ZCWPW1: variants seen among roughly 807,000 people sequenced by gnomAD.
The protein encoded by ZCWPW1 is zinc finger CW-type PWWP domain protein 1.
ZCWPW1 carries 56 observed loss-of-function variants against 81.3 expected under a neutral mutation model. The observed-to-expected ratio is 0.69, with a 90% confidence interval of 0.56 to 0.86. ZCWPW1 has a LOEUF of 0.86. ZCWPW1 is among the 40% of genes least tolerant of loss of function. The probability of loss-of-function intolerance (pLI) is 0.00; values close to 1 mark genes in which losing one functional copy is unlikely to be tolerated. For synonymous variants in ZCWPW1, 250 were observed against 273.7 expected (o/e 0.91, Z 0.86); for missense variants, 650 against 769.8 (o/e 0.84, Z 1.84).
intron 2 of ZCWPW1, among the ~76,000 whole-genome samples, chr7:100,421,786 G>A (rs1033554704): frequency 5.9e-5 from 9 of 151,740 alleles, no homozygotes; most frequent in East Asian, 1.9e-4. Flanking sequence ...TCCGCCTCCC[G>A]GGTTCAAGCG....
intron 2 of ZCWPW1, among the ~76,000 whole-genome samples, 164 bp downstream of exon 2, chr7:100,424,866 T>TAGG (rs1166968414): frequency 2.6e-5 from 4 of 152,216 alleles, no homozygotes; most frequent in African/African-American, 9.7e-5. Flanking sequence ...AAGATCTTCC[T>TAGG]AGGCCAAAGT....
chr7:100,409,562 T>C lies in ZCWPW1; in HGVS notation c.755-18A>G. ...ACATTGACCTGTGAGAGGAAAAAAA[T>C]GAAATAAGAGACTTAAAAATATGCT... is the stretch of plus-strand genomic sequence containing the variant. On this transcript the variant is annotated intron_variant, in intron 8 of 17. Transcript: ENST00000684423. 1 of 1,573,680 alleles carries C rather than the reference T, an allele frequency of 6.4e-7. No individual in the cohort carries two copies. Among genetic ancestry groups the C allele is most frequent in the Non-Finnish European group, 8.7e-7 (1 of 1,145,778 alleles).
rs539937123 is a variant in ZCWPW1, at chr7:100,416,016, G to C, written c.713C>G (p.Ser238Cys). ...TCCTTTTTGCTGGTCCCTGATCTGA[G>C]AATGATCCTGAACTGTTTTCTTTAG... ...DRLKKTVQDHSQIRDQQKGEI... is the reference protein window; with the variant it reads ...DRLKKTVQDHCQIRDQQKGEI... The change falls in exon 8 of 18, where the codon TCT (serine) becomes TGT (cysteine). Residue 238 changes from serine to cysteine, a missense_variant. Ser to Cys is a moderately radical substitution (Grantham distance 112). Coordinates refer to ENST00000684423, the MANE Select transcript of ZCWPW1 (RefSeq NM_001386010.1). The C allele has an allele frequency of 1.9e-6, 3 of 1,614,124 alleles. No homozygotes were observed. Among genetic ancestry groups the C allele is most frequent in the Non-Finnish European group, 2.5e-6 (3 of 1,180,028 alleles).
At chr7:100,416,955 A>G in intron 6 of ZCWPW1, 111 bp downstream of exon 6, 1 of 961,460 alleles carries the variant, frequency 1.0e-6, no homozygotes, top group Non-Finnish European at 1.6e-6. Flanking sequence ...CAAAAAAAAA[A>G]AAAAAAAGAA....
At chr7:100,406,856 T>C in intron 11 of ZCWPW1, 58 bp from the exon 12 acceptor site, 2 of 1,473,916 alleles carry the variant, frequency 1.4e-6, no homozygotes, top group Non-Finnish European at 1.9e-6. Context: ...TTTTCTCCTC[T>C]AGCCAGAACA....
In ZCWPW1 at chr7:100,420,743, C is replaced by G. The variant is rs908804673; in HGVS notation, c.-29-65G>C. ...AACAAGATTTTAAACTTTCTGTCTA[C>G]TTGGGTTCAGAAACTCTTTGTTTCA... On this transcript the variant is annotated intron_variant, in intron 2 of 17. Coordinates refer to ENST00000684423, the MANE Select transcript of ZCWPW1 (RefSeq NM_001386010.1). 3.9e-6 allele frequency: 6 copies of G among 1,529,416 alleles called. No individual in the cohort carries two copies. The African/African-American group carries it at 6.8e-5, about 17-fold the overall frequency. The allele number at this position is 1,529,416 out of a possible 1,614,324, so 94.7% of individuals were successfully genotyped here.
intron 5 of ZCWPW1, 160 bp downstream of exon 5, chr7:100,418,951 G>A: frequency 1.8e-6 from 1 of 561,420 alleles, no homozygotes; most frequent in Non-Finnish European, 3.1e-6. Flanking sequence ...TAGTCCTGTT[G>A]ACAGATGATG....
In ZCWPW1 at chr7:100,416,353, T is replaced by C. The variant is rs764862361; in HGVS notation, c.583A>G (p.Lys195Glu). The C allele has an allele frequency of 5.0e-6, 8 of 1,614,082 alleles. No individual in the cohort carries two copies. The highest frequency in any genetic ancestry group is 2.7e-5 in the African/African-American group (2 of 74,942). ...AAGGTGAGTCTATTGGATTTCTTCT[T>C]AGAGGGTGCAGGATCTGGCTGGCCT... ...KLGQPDPAPS[K>E]KKSNRLTLSK... Residue 195 changes from lysine to glutamate, a missense_variant, in exon 7 of 18, where the codon AAG becomes GAG. Coordinates refer to ENST00000684423, the MANE Select transcript of ZCWPW1 (RefSeq NM_001386010.1).
chr7:100,418,178 C>T (rs1238391102), intron 5 of ZCWPW1, among the ~76,000 whole-genome samples: 1 of 152,224 alleles, frequency 6.6e-6, no homozygotes, highest in Non-Finnish European at 1.5e-5. Context: ...AGCCACTGCA[C>T]CTGGCCTCCC....
chr7:100,424,223 G>GA (rs1470883823), intron 2 of ZCWPW1, among the ~76,000 whole-genome samples: 1 of 152,118 alleles, frequency 6.6e-6, no homozygotes, highest in African/African-American at 2.4e-5. Flanking sequence ...TGCTAAGTGA[G>GA]AAAAGCAGAG....
intron 8 of ZCWPW1, among the ~76,000 whole-genome samples, chr7:100,412,522 C>T (rs1248118889): frequency 1.3e-5 from 2 of 152,144 alleles, no homozygotes; most frequent in Non-Finnish European, 2.9e-5. Context: ...CCAAAACATA[C>T]CTTAAAACCA....
chr7:100,426,686 CCT>C (rs1400999953), intron 1 of ZCWPW1, among the ~76,000 whole-genome samples: 20 of 145,784 alleles, frequency 1.4e-4, no homozygotes, highest in African/African-American at 3.8e-4. Context: ...CTCTTCCCTC[CCT>C]CTCTTCCTTC....
rs549307225 is a variant in ZCWPW1, at chr7:100,427,697, TAA to T, written c.-137+869_-137+870del. On this transcript the variant is annotated intron_variant, in intron 1 of 17. Transcript: ENST00000684423. ...CTGGGCGACAGAGCGAGACAGTCTT[TAA>T]AAAAAAAAAAAAAAAAGCCCCAATT... 1.5e-3 allele frequency among the ~76,000 whole-genome samples: 170 copies of T among 109,836 alleles called. 1 individual carries two copies. Among genetic ancestry groups the T allele is most frequent in the African/African-American group, 4.6e-3 (133 of 29,198 alleles). 72.1% of individuals were successfully genotyped at this position (109,836 alleles called of 152,430 possible).
rs964838683 is a variant in ZCWPW1, at chr7:100,401,831, G to A, written c.1627+58C>T. ...AAATGGTTAAGAAATGATTCAGGGA[G>A]GGGAGATGCTGACAGGCACCTCATT... On this transcript the variant is annotated intron_variant, in intron 17 of 17. Transcript: ENST00000684423. The A allele has an allele frequency of 2.6e-6, 4 of 1,534,844 alleles. No homozygotes were observed. In the Admixed American group the frequency reaches 6.3e-5, roughly 24 times the overall value.
Position 100,419,846 on chromosome 7 carries a change from A to G in ZCWPW1, c.66T>C (p.Pro22=), listed in dbSNP as rs371452024. 5.7e-6 allele frequency: 9 copies of G among 1,588,758 alleles called. No individual in the cohort carries two copies. The highest frequency in any genetic ancestry group is 6.0e-6 in the Non-Finnish European group (7 of 1,171,632). The change falls in exon 4 of 18, where the codon CCT becomes CCC. Residue 22 remains proline (P), a synonymous_variant. Coordinates refer to ENST00000684423, the MANE Select transcript of ZCWPW1 (RefSeq NM_001386010.1). ...GKGPKRIFAP[P]AQKSYSLLPC... is the part of the protein sequence containing the mutation. Reference sequence around the variant, plus strand: ...GTAACAGGCTGTAAGATTTTTGTGCAGGTGGGGCAAAGATTCTCTTTGGTC... The same window carrying G: ...GTAACAGGCTGTAAGATTTTTGTGCGGGTGGGGCAAAGATTCTCTTTGGTC...
At chr7:100,420,053 GAGGTAGTT>G (rs1485981269) in intron 3 of ZCWPW1, among the ~76,000 whole-genome samples, 170 bp from the exon 4 acceptor site, 1 of 152,188 alleles carries the variant, frequency 6.6e-6, no homozygotes. Flanking sequence ...AGATGCTGAT[GAGGTAGTT>G]AGACATGAGA....
Position 100,406,816 on chromosome 7 carries a change from C to A in ZCWPW1, c.1069-18G>T. 6.2e-7 allele frequency: 1 copy of A among 1,605,926 alleles called. No homozygotes were observed. Among genetic ancestry groups the A allele is most frequent in the South Asian group, 1.1e-5 (1 of 90,852 alleles). ...TACTTAGACTGAAATAAAAGATGAT[C>A]CTGTTACGGACTCCTGTCCTGCTCC... On this transcript the variant is annotated intron_variant, in intron 11 of 17. Transcript: ENST00000684423.
intron 8 of ZCWPW1, among the ~76,000 whole-genome samples, chr7:100,412,807 T>C (rs1427105701): frequency 2.0e-5 from 3 of 152,166 alleles, no homozygotes; most frequent in African/African-American, 7.2e-5. Context: ...GGTCTTGATC[T>C]CCTGACCTCG....
At chr7:100,415,075 ATTTTTTTTTTTT>A (rs1165297451) in intron 8 of ZCWPW1, among the ~76,000 whole-genome samples, 2 of 74,204 alleles carry the variant, frequency 2.7e-5, no homozygotes, top group Non-Finnish European at 5.0e-5. Context: ...CTCCGTACCC[ATTTTTTTTTTTT>A]TTTTTTTTTT....
Sources: allele counts gnomAD v4.1 joint callset (sites outside exome capture counted in the v4.1 genomes callset), GRCh38; gene constraint gnomAD v4.1.1; transcripts MANE v1.5; gene names NCBI Gene and HGNC (gene_info 2026-07-23, HGNC 2026-07-21).